GOLGB1: variants seen among roughly 807,000 people sequenced by gnomAD.
GOLGB1 encodes golgin subfamily B member 1.
GOLGB1 carries 174 observed loss-of-function variants against 336.9 expected under a neutral mutation model. The observed-to-expected ratio is 0.52, with a 90% CI of 0.46 to 0.59. The LOEUF (loss-of-function observed/expected upper bound fraction) is 0.59, where lower values mean the gene tolerates loss of function less well. Among genes scored for constraint, GOLGB1 ranks in the 20% least tolerant of loss-of-function variants. The pLI, the probability that GOLGB1 is intolerant of heterozygous loss-of-function variation, is 0.00. For synonymous variants in GOLGB1, 1,208 were observed against 1,289.2 expected, an observed-to-expected ratio of 0.94 and a Z score of 1.35; for missense variants, 3,331 against 3,645.3, an observed-to-expected ratio of 0.91 and a Z score of 2.22.
chr3:121,702,068 A>G (rs989632258), intron 11 of GOLGB1, among the ~76,000 whole-genome samples: 2 of 152,048 alleles, frequency 1.3e-5, no homozygotes, highest in African/African-American at 4.8e-5. Flanking sequence ...ACTCACTCAC[A>G]ACATAGTTTC....
intron 9 of GOLGB1, among the ~76,000 whole-genome samples, chr3:121,716,424 A>G (rs1006394647): frequency 6.6e-6 from 1 of 152,198 alleles, no homozygotes; most frequent in Non-Finnish European, 1.5e-5. Context: ...TTTTCCAAAA[A>G]CTAATTCAAA....
intron 20 of GOLGB1, among the ~76,000 whole-genome samples, chr3:121,665,504 T>C (rs1938491608): frequency 6.6e-6 from 1 of 152,240 alleles, no homozygotes; most frequent in Non-Finnish European, 1.5e-5. Context: ...TAAAGGCTAA[T>C]AGGCAAAAGC....
At chr3:121,726,508 T>C (rs1485941414) in intron 5 of GOLGB1, among the ~76,000 whole-genome samples, 5 of 125,148 alleles carry the variant, frequency 4.0e-5, no homozygotes, top group Non-Finnish European at 7.1e-5. Context: ...ATAAATCAGA[T>C]TTAGAAAAAT....
rs199972479 is a variant in GOLGB1, at chr3:121,695,882, A to T, written c.4641T>A (p.Ala1547=). The change falls in exon 13 of 22, where the codon GCT becomes GCA. Residue 1547 remains alanine, a synonymous_variant. Transcript: ENST00000614479. The stretch of plus-strand genomic sequence containing the variant: ...GTTTGTCTCTTTCTTCTTGAAGAAG[A>T]GCTAACCTTCCTAAGACCGTATCTT... ...KEKDTVLGRL[A]LLQEERDKLI... The T allele has an allele frequency of 1.9e-6, 3 of 1,613,744 alleles. No individual in the cohort carries two copies. Among genetic ancestry groups the T allele is most frequent in the Admixed American group, 3.3e-5 (2 of 59,992 alleles).
chr3:121,702,866 A>G lies in GOLGB1; in HGVS notation c.1405-271T>C, dbSNP rs548120412. On this transcript the variant is annotated intron_variant, in intron 10 of 21. Transcript: ENST00000614479. ...CCTGGATTACAAAGATAGAAATCCC[A>G]AGTCTATAGCATAAGAAAGAACATT... 1.1e-4 allele frequency among the ~76,000 whole-genome samples: 16 copies of G among 152,336 alleles called. No individual in the cohort carries two copies. The East Asian group carries it at 3.1e-3, about 29-fold the overall frequency.
In GOLGB1 at chr3:121,716,006, C is replaced by A. The variant is rs865855661; in HGVS notation, c.1288+731G>T. 1.7e-3 allele frequency among the ~76,000 whole-genome samples: 250 copies of A among 143,766 alleles called. 1 individual carries two copies. Among genetic ancestry groups the A allele is most frequent in the South Asian group, 4.3e-3 (19 of 4,456 alleles). 94.3% of individuals were successfully genotyped at this position (143,766 alleles called of 152,430 possible). A position where few individuals can be genotyped will look rare whatever the true frequency, so the allele number is the denominator to read the frequency against. ...AAACTCTGTCACAAAAAAAAAAAAA[C>A]AAAAAACAAAACTGTCTGGCTAACA... On this transcript the variant is annotated intron_variant, in intron 9 of 21. Coordinates refer to ENST00000614479, the MANE Select transcript of GOLGB1 (RefSeq NM_001366282.2).
chr3:121,706,733 CAAAAAAAA>C (rs1200925309), intron 10 of GOLGB1, among the ~76,000 whole-genome samples: 4 of 16,152 alleles, frequency 2.5e-4, no homozygotes, highest in African/African-American at 7.7e-4. Context: ...GACTCTGTCT[CAAAAAAAA>C]AAAAAAAAAA....
rs372727071 is a variant in GOLGB1 at position 121,732,023 on chromosome 3, A to G, written c.-2-1050T>C. Reference sequence around the variant, plus strand: ...ATGATCTAACATACATTAAAAGATAATAAACACTACAAATAGCCCTATACT... The same window carrying G: ...ATGATCTAACATACATTAAAAGATAGTAAACACTACAAATAGCCCTATACT... On this transcript the variant is annotated intron_variant, in intron 1 of 21. Transcript: ENST00000614479. Among the ~76,000 whole-genome samples, 22 of 152,276 alleles carry G rather than the reference A, an allele frequency of 1.4e-4. 1 individual carries two copies. The East Asian group carries it at 2.5e-3, about 17-fold the overall frequency.
chr3:121,720,870 G>C (rs143948526), intron 6 of GOLGB1, among the ~76,000 whole-genome samples: 1 of 151,922 alleles, frequency 6.6e-6, no homozygotes, highest in African/African-American at 2.4e-5. Context: ...CAACTTTTCC[G>C]TGTAATTTTC....
intron 1 of GOLGB1, among the ~76,000 whole-genome samples, chr3:121,740,492 T>G (rs1296877448): frequency 6.6e-6 from 1 of 152,184 alleles, no homozygotes; most frequent in Non-Finnish European, 1.5e-5. Context: ...GTGAACAACG[T>G]CTGGAGTTCA....
chr3:121,673,965 C>T (rs933506531), intron 17 of GOLGB1, among the ~76,000 whole-genome samples: 1 of 152,240 alleles, frequency 6.6e-6, no homozygotes, highest in African/African-American at 2.4e-5. Context: ...AAGTGATCCA[C>T]TCACCTTGGC....
At position 121,741,662 on chromosome 3, in the gene GOLGB1, G is replaced by A. The variant is rs371516794; in HGVS notation, c.-3+7970C>T. On this transcript the variant is annotated intron_variant, in intron 1 of 21. Coordinates refer to ENST00000614479, the MANE Select transcript of GOLGB1 (RefSeq NM_001366282.2). ...TAATACAGAAGAAATTAAGAACCCC[G>A]AAATACAAACTAATCTTTGAATCTG... 5.9e-5 allele frequency among the ~76,000 whole-genome samples: 9 copies of A among 152,044 alleles called. No individual in the cohort carries two copies. In the East Asian group the frequency reaches 1.2e-3, roughly 19 times the overall value.
At position 121,692,238 on chromosome 3, in the gene GOLGB1, T is replaced by A. The variant is rs776582052; in HGVS notation, c.7126A>T (p.Ser2376Cys). ...ATATTTATTTCTTCATGCAGCCTAC[T>A]GGTCAGTTCTCTGGAGGCCTGAAGA... Reference protein sequence around the residue: ...TDLQASRELTSRLHEEINMKE... With the variant: ...TDLQASRELTCRLHEEINMKE... The change falls in exon 14 of 22, where the codon AGT (serine) becomes TGT (cysteine). Residue 2376 changes from serine (S) to cysteine (C), a missense_variant. Coordinates refer to ENST00000614479, the MANE Select transcript of GOLGB1 (RefSeq NM_001366282.2). 2 of 1,599,568 alleles carry A rather than the reference T, an allele frequency of 1.3e-6. No homozygotes were observed. The highest frequency in any genetic ancestry group is 1.7e-6 in the Non-Finnish European group (2 of 1,175,928).
At chr3:121,736,396 T>A (rs1946468066) in intron 1 of GOLGB1, among the ~76,000 whole-genome samples, 1 of 152,190 alleles carries the variant, frequency 6.6e-6, no homozygotes. Flanking sequence ...TAACCCCTGA[T>A]ATAATGTGAT....
intron 6 of GOLGB1, among the ~76,000 whole-genome samples, chr3:121,720,905 C>T (rs1576425563): frequency 6.6e-6 from 1 of 152,182 alleles, no homozygotes; most frequent in East Asian, 1.9e-4. Context: ...TCACAGTAAC[C>T]TCTTTCGCCT....
At position 121,695,561 on chromosome 3, in the gene GOLGB1, C is replaced by G; in HGVS notation, c.4962G>C (p.Lys1654Asn). ...VRQEKQELYG[K>N]LRSTEANKKE... ...TCTTGTTTGCCTCTGTGCTTCTTAACTTGCCATACAGTTCTTGTTTCTCTT... is the reference window on the plus strand; with the variant it reads ...TCTTGTTTGCCTCTGTGCTTCTTAAGTTGCCATACAGTTCTTGTTTCTCTT... Residue 1654 changes from lysine (K) to asparagine (N), a missense_variant, in exon 13 of 22, where the codon AAG (lysine) becomes AAC (asparagine). Lys to Asn is a moderately conservative substitution (Grantham distance 94). Transcript: ENST00000614479. The G allele has an allele frequency of 6.2e-7, 1 of 1,614,106 alleles. No individual in the cohort carries two copies. Among genetic ancestry groups the G allele is most frequent in the Non-Finnish European group, 8.5e-7 (1 of 1,180,020 alleles).
intron 14 of GOLGB1, among the ~76,000 whole-genome samples, chr3:121,682,688 C>T (rs1203951518): frequency 6.6e-6 from 1 of 152,118 alleles, no homozygotes. Context: ...AGATGGGGGT[C>T]TTGTTCACAT....
At chr3:121,747,969 T>C (rs2108470587) in intron 1 of GOLGB1, among the ~76,000 whole-genome samples, 1 of 152,178 alleles carries the variant, frequency 6.6e-6, no homozygotes, top group South Asian at 2.1e-4. Flanking sequence ...GTATTCCTAA[T>C]AGTAATTAAC....
rs1177415486 is a variant in GOLGB1, at chr3:121,691,628, T to A, written c.7736A>T (p.Glu2579Val). The change falls in exon 14 of 22, where the codon GAA becomes GTA. Residue 2579 changes from glutamate (E) to valine (V), a missense_variant. Glu to Val is a moderately radical substitution (Grantham distance 121). Coordinates refer to ENST00000614479, the MANE Select transcript of GOLGB1 (RefSeq NM_001366282.2). ...ELENKYAKLE[E>V]KLKESEEANE... ...TGCTTCCTCAGATTCCTTCAGCTTTTCTTCTAATTTAGCATATTTATTTTC... is the reference window on the plus strand; with the variant it reads ...TGCTTCCTCAGATTCCTTCAGCTTTACTTCTAATTTAGCATATTTATTTTC... 3.1e-6 allele frequency: 5 copies of A among 1,613,484 alleles called. No individual in the cohort carries two copies. The highest frequency in any genetic ancestry group is 4.2e-6 in the Non-Finnish European group (5 of 1,179,772).
Sources: allele counts gnomAD v4.1 joint callset (sites outside exome capture counted in the v4.1 genomes callset), GRCh38; gene constraint gnomAD v4.1.1; transcripts MANE v1.5; gene names NCBI Gene and HGNC (gene_info 2026-07-23, HGNC 2026-07-21).